RHNO1: variants seen among roughly 807,000 people sequenced by gnomAD.
RHNO1 encodes the protein RAD9, HUS1, RAD1-interacting nuclear orphan protein 1.
Under a neutral mutation model 7.2 loss-of-function variants are expected in RHNO1, and 9 were observed. The ratio of observed to expected loss-of-function variants is 1.25; its 90% CI spans 0.75 to 2.18. RHNO1 has a LOEUF of 2.18. Ranked by LOEUF, RHNO1 falls within the 30% of genes most tolerant of loss-of-function variation. The probability of loss-of-function intolerance (pLI) is 0.00; values close to 1 mark genes in which losing one functional copy is unlikely to be tolerated. For missense variants in RHNO1, 292 were observed against 284.5 expected (o/e 1.03, Z -0.19); for synonymous variants, 95 against 107.5 (o/e 0.88, Z 0.72).
At chr12:2,883,505 ATATATATTTTTTTTT>A (rs1298102713) in intron 1 of RHNO1, among the ~76,000 whole-genome samples, 125 of 31,852 alleles carry the variant, frequency 3.9e-3, no homozygotes, top group African/African-American at 0.02. Flanking sequence ...ATATATATAT[ATATATATTTTTTTTT>A]TTTTTTTTTT....
chr12:2,887,934 A>G lies in RHNO1; in HGVS notation c.192A>G (p.Ala64=), dbSNP rs747017855. 3 of 1,598,976 alleles carry G rather than the reference A, an allele frequency of 1.9e-6. No individual in the cohort carries two copies. The highest frequency in any genetic ancestry group is 1.8e-5 in the Admixed American group (1 of 56,370). Reference sequence around the variant, plus strand: ...AGGTATCACCTGATTTTGATACAGCAGCAGGAAGCTTGTTCCCAGCCTACC... The same window carrying G: ...AGGTATCACCTGATTTTGATACAGCGGCAGGAAGCTTGTTCCCAGCCTACC... ...TSWVSPDFDT[A]AGSLFPAYQK... is the part of the protein sequence containing the mutation. The change falls in exon 3 of 3, where the codon GCA becomes GCG. Residue 64 remains alanine, a synonymous_variant. Coordinates refer to ENST00000489288, the MANE Select transcript of RHNO1 (RefSeq NM_001252499.3).
chr12:2,887,872 A>T, intron 2 of RHNO1, 39 bp from the exon 3 acceptor site: 1 of 1,488,176 alleles, frequency 6.7e-7, no homozygotes, highest in Non-Finnish European at 9.0e-7. Context: ...TTAGGTTAGT[A>T]CTTAGTTAGG....
chr12:2,879,244 T>TC lies in RHNO1; in HGVS notation c.-85+1964dup, dbSNP rs574291638. Among the ~76,000 whole-genome samples, 55 of 152,152 alleles carry TC rather than the reference T, an allele frequency of 3.6e-4. No homozygotes were observed. In the South Asian group the frequency reaches 0.011, roughly 29 times the overall value. On this transcript the variant is annotated intron_variant, in intron 1 of 2. Transcript: ENST00000489288. ...ATCTTGAACTATTCGGTTCAAGTGA[T>TC]CCTCCCACCTTCACCTTTCACAGTG...
At position 2,881,164 on chromosome 12, in the gene RHNO1, G is replaced by A. The variant is rs753471012; in HGVS notation, c.-85+3882G>A. ...GTTGCCCAGGCTGGAGTGCAGTGGCGTGATCTCGGCTCACTGCAACCTCCG... is the reference window on the plus strand; with the variant it reads ...GTTGCCCAGGCTGGAGTGCAGTGGCATGATCTCGGCTCACTGCAACCTCCG... On this transcript the variant is annotated intron_variant, in intron 1 of 2. Transcript: ENST00000489288. Among the ~76,000 whole-genome samples, 8 of 152,094 alleles carry A rather than the reference G, an allele frequency of 5.3e-5. No individual in the cohort carries two copies. In the East Asian group the frequency reaches 5.8e-4, roughly 11 times the overall value.
chr12:2,883,375 G>C (rs996390635), intron 1 of RHNO1, among the ~76,000 whole-genome samples: 24 of 145,110 alleles, frequency 1.7e-4, no homozygotes, highest in Non-Finnish European at 7.5e-5. Flanking sequence ...ACCCTATCTC[G>C]AAAAAAAGAA....
At chr12:2,886,903 C>G (rs2098166221) in intron 2 of RHNO1, 1 of 451,364 alleles carries the variant, frequency 2.2e-6, no homozygotes. Flanking sequence ...TCATTATATG[C>G]CAGGTCCTCT....
At chr12:2,885,696 T>C (rs1430153034) in intron 2 of RHNO1, 162 bp downstream of exon 2, 3 of 577,364 alleles carry the variant, frequency 5.2e-6, no homozygotes, top group Non-Finnish European at 8.4e-6. Context: ...TGCCTCAGCC[T>C]CCCGAGGAGC....
chr12:2,885,151 G>T, intron 1 of RHNO1, 132 bp from the exon 2 acceptor site: 1 of 487,156 alleles, frequency 2.1e-6, no homozygotes, highest in Non-Finnish European at 3.6e-6. Context: ...TGTTTTGCTT[G>T]GTGGTTGTAG....
At chr12:2,887,873 CTTAG>C in intron 2 of RHNO1, 34 bp from the exon 3 acceptor site, 7 of 1,493,366 alleles carry the variant, frequency 4.7e-6, no homozygotes, top group Non-Finnish European at 6.3e-6. Context: ...TAGGTTAGTA[CTTAG>C]TTAGGCTCAC....
At position 2,887,893 on chromosome 12, in the gene RHNO1, T is replaced by A; in HGVS notation, c.169-18T>A. ...TAGTACTTAGTTAGGCTCACCTCAC[T>A]TTTTTTTTTTTTTTAAGGTATCACC... is the stretch of plus-strand genomic sequence containing the variant. On this transcript the variant is annotated intron_variant, in intron 2 of 2. Transcript: ENST00000489288. 1 of 294,554 alleles carries A rather than the reference T, an allele frequency of 3.4e-6. No individual in the cohort carries two copies. Among genetic ancestry groups the A allele is most frequent in the Non-Finnish European group, 5.8e-6 (1 of 172,416 alleles). The allele number at this position is 294,554 out of a possible 1,614,324, so 18.2% of individuals were successfully genotyped here.
chr12:2,887,883 C>T, intron 2 of RHNO1, 28 bp from the exon 3 acceptor site: 3 of 1,503,600 alleles, frequency 2.0e-6, no homozygotes, highest in South Asian at 1.3e-5. Flanking sequence ...CTTAGTTAGG[C>T]TCACCTCACT....
chr12:2,887,042 G>A, intron 2 of RHNO1: 1 of 453,474 alleles, frequency 2.2e-6, no homozygotes, highest in South Asian at 1.6e-5. Flanking sequence ...GAAGTTTAAA[G>A]ATAAATAAGT....
chr12:2,877,302 G>A lies in RHNO1; in HGVS notation c.-85+20G>A, dbSNP rs1195580038. On this transcript the variant is annotated intron_variant, in intron 1 of 2. Transcript: ENST00000489288. The stretch of plus-strand genomic sequence containing the variant: ...GGGCTGGTAAGGCGGACCGCAGGCC[G>A]GCTTGTGGGGGAAGAAGTGGCCGTG... 2.6e-5 allele frequency: 4 copies of A among 152,206 alleles called. No individual in the cohort carries two copies. Among genetic ancestry groups the A allele is most frequent in the South Asian group, 4.1e-4 (2 of 4,830 alleles). 9.4% of individuals were successfully genotyped at this position (152,206 alleles called of 1,614,324 possible).
intron 1 of RHNO1, among the ~76,000 whole-genome samples, chr12:2,881,773 C>T (rs1172403128): frequency 8.6e-5 from 13 of 151,614 alleles, no homozygotes; most frequent in Non-Finnish European, 1.9e-4. Flanking sequence ...GGCATGGTGG[C>T]GTGCGCCTGT....
chr12:2,881,072 G>A (rs1343673497), intron 1 of RHNO1, among the ~76,000 whole-genome samples: 4 of 152,046 alleles, frequency 2.6e-5, no homozygotes, highest in Admixed American at 1.3e-4. Context: ...TGCTACCACT[G>A]TTATCTTTTC....
Position 2,888,533 on chromosome 12 carries a change from T to C in RHNO1, c.*74T>C. On this transcript the variant is annotated 3_prime_UTR_variant, in exon 3 of 3. Coordinates refer to ENST00000489288, the MANE Select transcript of RHNO1 (RefSeq NM_001252499.3). ...AAAGGAATTCAATTCCTAGGGTTTT[T>C]GTTTTTGTTTTTGAGATGTAATATT... 7.4e-7 allele frequency: 1 copy of C among 1,349,536 alleles called. No homozygotes were observed. Among genetic ancestry groups the C allele is most frequent in the Non-Finnish European group, 9.9e-7 (1 of 1,012,044 alleles). 83.6% of individuals were successfully genotyped at this position (1,349,536 alleles called of 1,614,324 possible). A position where few individuals can be genotyped will look rare whatever the true frequency, so the allele number is the denominator to read the frequency against.
chr12:2,880,743 C>T (rs938975694), intron 1 of RHNO1, among the ~76,000 whole-genome samples: 1 of 152,014 alleles, frequency 6.6e-6, no homozygotes, highest in African/African-American at 2.4e-5. Context: ...AAGTGATCCT[C>T]CCACCTCAGC....
intron 1 of RHNO1, among the ~76,000 whole-genome samples, chr12:2,883,641 C>T (rs1167456532): frequency 6.7e-6 from 1 of 149,764 alleles, no homozygotes. Flanking sequence ...CCTCAGCCTC[C>T]GAGTAGCTGG....
chr12:2,879,010 AT>A (rs1468834857), intron 1 of RHNO1, among the ~76,000 whole-genome samples: 1 of 150,824 alleles, frequency 6.6e-6, no homozygotes, highest in Non-Finnish European at 1.5e-5. Flanking sequence ...TTATCTTTTT[AT>A]TTTTTAGAGA....
Sources: allele counts gnomAD v4.1 joint callset (sites outside exome capture counted in the v4.1 genomes callset), GRCh38; gene constraint gnomAD v4.1.1; transcripts MANE v1.5; gene names NCBI Gene and HGNC (gene_info 2026-07-23, HGNC 2026-07-21).